The following TMEM132D variants were observed in gnomAD, a reference collection of about 807,000 sequenced individuals.
TMEM132D encodes the protein transmembrane protein 132D.
Under a neutral mutation model 62.3 loss-of-function variants are expected in TMEM132D, and 21 were observed. That is an observed-to-expected ratio of 0.34 (90% CI 0.24 to 0.49). The LOEUF (loss-of-function observed/expected upper bound fraction) is 0.49. Among genes scored for constraint, TMEM132D ranks in the 20% least tolerant of loss-of-function variants. The probability of loss-of-function intolerance (pLI) is 0.99; values close to 1 mark genes in which losing one functional copy is unlikely to be tolerated. For synonymous variants in TMEM132D, 621 were observed against 575.6 expected, an observed-to-expected ratio of 1.08 and a Z score of -1.13; for missense variants, 1,346 against 1,402.8, an observed-to-expected ratio of 0.96 and a Z score of 0.65.
intron 2 of TMEM132D, among the ~76,000 whole-genome samples, chr12:129,563,103 A>G (rs949642638): frequency 1.3e-5 from 2 of 152,184 alleles, no homozygotes; most frequent in Admixed American, 1.3e-4. Flanking sequence ...AAATCATCAC[A>G]TTTGCATTTA....
At chr12:129,820,536 A>G (rs11060569) in intron 1 of TMEM132D, among the ~76,000 whole-genome samples, 101,456 of 152,038 alleles carry the variant, frequency 0.67, 34,477 homozygotes, top group Non-Finnish European at 0.74. Flanking sequence ...GAGTGTTCCT[A>G]ATCAGAGGTA....
At position 129,676,213 on chromosome 12, in the gene TMEM132D, G is replaced by A. The variant is rs1880627065; in HGVS notation, c.968+23597C>T. On this transcript the variant is annotated intron_variant, in intron 2 of 8. Coordinates refer to ENST00000422113, the MANE Select transcript of TMEM132D (RefSeq NM_133448.3). ...AAAATAAACCACATCAAGATGATGG[G>A]GGCAGGGAGGAATGCTACTTGAGAT... Among the ~76,000 whole-genome samples the A allele has an allele frequency of 2.0e-5, 3 of 152,142 alleles. No individual in the cohort carries two copies. The South Asian group carries it at 6.2e-4, about 32-fold the overall frequency.
chr12:129,896,470 G>A (rs540909633), intron 1 of TMEM132D, among the ~76,000 whole-genome samples: 34 of 152,132 alleles, frequency 2.2e-4, no homozygotes, highest in East Asian at 1.5e-3. Flanking sequence ...TTTGAGTCTC[G>A]GCAGGCTATT....
chr12:129,584,041 A>G (rs993881104), intron 2 of TMEM132D, among the ~76,000 whole-genome samples: 1 of 152,214 alleles, frequency 6.6e-6, no homozygotes, highest in African/African-American at 2.4e-5. Flanking sequence ...ACATGCCTCA[A>G]AAGTTAGAAA....
intron 3 of TMEM132D, among the ~76,000 whole-genome samples, chr12:129,420,375 T>C (rs1283341627): frequency 6.9e-6 from 1 of 145,672 alleles, no homozygotes; most frequent in Admixed American, 7.1e-5. Flanking sequence ...CTGTCAATCA[T>C]CTTTCCTACA....
intron 3 of TMEM132D, among the ~76,000 whole-genome samples, chr12:129,407,788 G>A (rs1396885485): frequency 1.3e-5 from 2 of 151,272 alleles, no homozygotes; most frequent in Non-Finnish European, 2.9e-5. Flanking sequence ...TGTAGTCCCA[G>A]CTACTCGGGA....
intron 3 of TMEM132D, among the ~76,000 whole-genome samples, chr12:129,477,323 T>G (rs990345245): frequency 7.2e-5 from 11 of 152,190 alleles, no homozygotes; most frequent in Non-Finnish European, 1.6e-4. Context: ...TCATCCTGTG[T>G]TTTGTAAGCT....
intron 3 of TMEM132D, among the ~76,000 whole-genome samples, chr12:129,372,407 C>T (rs1398381707): frequency 5.3e-5 from 8 of 152,046 alleles, no homozygotes; most frequent in Admixed American, 6.5e-5. Flanking sequence ...TGCTCCTCAT[C>T]GTTGATGTTA....
intron 3 of TMEM132D, among the ~76,000 whole-genome samples, chr12:129,339,392 A>AGTTGCAGAGGTCAGCCTTCCGCTT (rs561825993): frequency 1.8e-5 from 1 of 54,506 alleles, no homozygotes; most frequent in Non-Finnish European, 3.4e-5. Flanking sequence ...AAAGAACCCC[A>AGTTGCAGAGGTCAGCCTTCCGCTT]AATCTCTTCC....
intron 1 of TMEM132D, among the ~76,000 whole-genome samples, chr12:129,742,445 G>T (rs935300646): frequency 6.6e-5 from 10 of 152,132 alleles, no homozygotes; most frequent in Admixed American, 4.6e-4. Context: ...TCATTAACAA[G>T]CCAAGCCATT....
intron 1 of TMEM132D, among the ~76,000 whole-genome samples, chr12:129,886,866 T>C (rs929739583): frequency 2.6e-5 from 4 of 152,196 alleles, no homozygotes; most frequent in Non-Finnish European, 4.4e-5. Flanking sequence ...GATGGTTTTA[T>C]AGAGGCTTTT....
At chr12:129,327,514 G>T (rs1868953698) in intron 4 of TMEM132D, among the ~76,000 whole-genome samples, 1 of 152,162 alleles carries the variant, frequency 6.6e-6, no homozygotes, top group Non-Finnish European at 1.5e-5. Context: ...CCACCATACT[G>T]GATGGCTTAG....
At chr12:129,178,876 G>T (rs1014707380) in intron 5 of TMEM132D, among the ~76,000 whole-genome samples, 1 of 152,190 alleles carries the variant, frequency 6.6e-6, no homozygotes, top group African/African-American at 2.4e-5. Context: ...TGGGTCAAAG[G>T]AACACCAGCA....
At chr12:129,726,182 T>C (rs934385919) in intron 1 of TMEM132D, among the ~76,000 whole-genome samples, 10 of 152,174 alleles carry the variant, frequency 6.6e-5, no homozygotes, top group Admixed American at 6.5e-5. Flanking sequence ...TTCCCATGGA[T>C]CCCCCATGCA....
At position 129,700,066 on chromosome 12, in the gene TMEM132D, C is replaced by G. The variant is rs771547895; in HGVS notation, c.712G>C (p.Asp238His). 1 of 1,613,800 alleles carries G rather than the reference C, an allele frequency of 6.2e-7. No homozygotes were observed. The highest frequency in any genetic ancestry group is 8.5e-7 in the Non-Finnish European group (1 of 1,180,028). Reference protein sequence around the residue: ...YTVHPGGERGDCVREDARRSN... With the variant: ...YTVHPGGERGHCVREDARRSN... Reference sequence around the variant, plus strand: ...CTCCTCGCGTCTTCCCTGACGCAGTCCCCTCTCTCACCCCCTGGGTGCACG... The same window carrying G: ...CTCCTCGCGTCTTCCCTGACGCAGTGCCCTCTCTCACCCCCTGGGTGCACG... The change falls in exon 2 of 9, where the codon GAC (aspartate) becomes CAC (histidine). Residue 238 changes from aspartate to histidine, a missense_variant. Coordinates refer to ENST00000422113, the MANE Select transcript of TMEM132D (RefSeq NM_133448.3).
chr12:129,747,583 C>T (rs559947537), intron 1 of TMEM132D, among the ~76,000 whole-genome samples: 21 of 150,366 alleles, frequency 1.4e-4, no homozygotes, highest in South Asian at 2.1e-4. Flanking sequence ...CACACACACA[C>T]GCGCTCACAT....
intron 2 of TMEM132D, among the ~76,000 whole-genome samples, chr12:129,670,014 A>C (rs1005677040): frequency 6.6e-6 from 1 of 152,146 alleles, no homozygotes; most frequent in African/African-American, 2.4e-5. Context: ...AAGAAGCCAG[A>C]GCGATCGGCT....
At chr12:129,683,185 C>T (rs756148043) in intron 2 of TMEM132D, 3 of 151,544 alleles carry the variant, frequency 2.0e-5, no homozygotes, top group Non-Finnish European at 2.9e-5. Context: ...TCCTATTTCG[C>T]ATTTATGAAG....
intron 4 of TMEM132D, among the ~76,000 whole-genome samples, chr12:129,332,494 G>T (rs34399500): frequency 1.3e-5 from 2 of 152,100 alleles, no homozygotes; most frequent in Non-Finnish European, 2.9e-5. Flanking sequence ...GAGGCCACCA[G>T]CTTCAGCTCA....
Sources: gnomAD v4.1 joint callset for allele counts (sites outside exome capture counted in the v4.1 genomes callset) on GRCh38, gnomAD v4.1.1 for gene constraint, MANE v1.5 for transcripts, NCBI Gene and HGNC (gene_info 2026-07-23, HGNC 2026-07-21) for gene names.